GAS2: variants seen among roughly 807,000 people sequenced by gnomAD.
The protein encoded by GAS2 is growth arrest specific 2, also known as growth arrest-specific protein 2.
GAS2 carries 20 observed loss-of-function variants against 37.5 expected under a neutral mutation model. That is an observed-to-expected ratio of 0.53 (90% CI 0.37 to 0.77). The LOEUF is 0.77. Ranked by LOEUF, GAS2 falls within the 30% of genes least tolerant of loss-of-function variation. GAS2 has a pLI of 0.00. For missense variants in GAS2, 336 were observed against 373.4 expected, an observed-to-expected ratio of 0.90 and a Z score of 0.82; for synonymous variants, 144 against 132.2, an observed-to-expected ratio of 1.09 and a Z score of -0.61.
intron 7 of GAS2, among the ~76,000 whole-genome samples, chr11:22,773,152 G>A (rs1431865362): frequency 6.6e-6 from 1 of 152,030 alleles, no homozygotes; most frequent in Non-Finnish European, 1.5e-5. Context: ...TCCTCCTAGA[G>A]GCTGCAGTCT....
intron 1 of GAS2, among the ~76,000 whole-genome samples, chr11:22,660,937 G>A (rs1018521778): frequency 6.6e-6 from 1 of 152,158 alleles, no homozygotes; most frequent in Non-Finnish European, 1.5e-5. Flanking sequence ...ATCATTTTAA[G>A]TGTCATATCT....
At chr11:22,701,221 A>G (rs1189146622) in intron 3 of GAS2, among the ~76,000 whole-genome samples, 5 of 152,196 alleles carry the variant, frequency 3.3e-5, no homozygotes, top group African/African-American at 1.2e-4. Flanking sequence ...ATGATCATGG[A>G]GTATAGCAAG....
intron 4 of GAS2, chr11:22,731,530 C>A (rs1294788039): frequency 1.2e-5 from 2 of 163,786 alleles, no homozygotes; most frequent in Non-Finnish European, 2.7e-5. Flanking sequence ...ATGAGGAATT[C>A]TACAAATTTT....
chr11:22,749,689 T>C (rs184862725), intron 6 of GAS2, among the ~76,000 whole-genome samples: 1 of 152,106 alleles, frequency 6.6e-6, no homozygotes, highest in Non-Finnish European at 1.5e-5. Context: ...AGTGCTCTCA[T>C]ATATGAAAGG....
intron 7 of GAS2, among the ~76,000 whole-genome samples, chr11:22,794,863 C>T (rs751960417): frequency 6.6e-6 from 1 of 152,142 alleles, no homozygotes; most frequent in Non-Finnish European, 1.5e-5. Context: ...CTCACAGTGT[C>T]ACCCTGAAAC....
Position 22,755,973 on chromosome 11 carries a change from T to C in GAS2, c.723+20T>C. 1 of 1,519,386 alleles carries C rather than the reference T, an allele frequency of 6.6e-7. No homozygotes were observed. Among genetic ancestry groups the C allele is most frequent in the Non-Finnish European group, 9.1e-7 (1 of 1,100,580 alleles). The allele number at this position is 1,519,386 out of a possible 1,614,324, so 94.1% of individuals were successfully genotyped here. On this transcript the variant is annotated intron_variant, in intron 7 of 7. Coordinates refer to ENST00000454584, the MANE Select transcript of GAS2 (RefSeq NM_001143830.3). The stretch of plus-strand genomic sequence containing the variant: ...ATTAGGGTAAAGTTTTACTTTTCAC[T>C]TATCTTGTTTTTATGGGAAGATTCA...
At chr11:22,658,656 A>T (rs1031266662) in intron 1 of GAS2, among the ~76,000 whole-genome samples, 1 of 152,252 alleles carries the variant, frequency 6.6e-6, no homozygotes, top group Non-Finnish European at 1.5e-5. Context: ...TAAATAATGA[A>T]CACGAATGAT....
intron 6 of GAS2, among the ~76,000 whole-genome samples, chr11:22,755,017 C>G (rs374813722): frequency 1.3e-5 from 2 of 152,072 alleles, no homozygotes; most frequent in South Asian, 2.1e-4. Flanking sequence ...GAAGAGCAGA[C>G]AGAGTGGGTG....
intron 3 of GAS2, among the ~76,000 whole-genome samples, chr11:22,711,638 T>C (rs1332346724): frequency 6.6e-6 from 1 of 152,208 alleles, no homozygotes; most frequent in African/African-American, 2.4e-5. Flanking sequence ...ACAAGCTGCC[T>C]GGATATAAAC....
At chr11:22,635,850 C>T (rs899888022) in intron 1 of GAS2, among the ~76,000 whole-genome samples, 8 of 152,208 alleles carry the variant, frequency 5.3e-5, no homozygotes, top group African/African-American at 1.7e-4. Flanking sequence ...CTCTTTACCA[C>T]TCACTAAATC....
chr11:22,792,624 A>G (rs759737718), intron 7 of GAS2, among the ~76,000 whole-genome samples: 3 of 152,218 alleles, frequency 2.0e-5, no homozygotes, highest in Non-Finnish European at 2.9e-5. Flanking sequence ...TGTAGTGATA[A>G]GTTCCTAGGG....
At chr11:22,683,985 T>C (rs1431147018) in intron 2 of GAS2, among the ~76,000 whole-genome samples, 1 of 152,172 alleles carries the variant, frequency 6.6e-6, no homozygotes, top group Non-Finnish European at 1.5e-5. Context: ...GGAAAACAGA[T>C]CAATGTGTAC....
upstream of GAS2, among the ~76,000 whole-genome samples, chr11:22,664,364 CA>C (rs1342083154): frequency 6.6e-6 from 1 of 151,844 alleles, no homozygotes; most frequent in Non-Finnish European, 1.5e-5. Flanking sequence ...TTTTTAAACT[CA>C]AAAAAGTATT....
intron 3 of GAS2, among the ~76,000 whole-genome samples, chr11:22,712,546 A>G (rs1851458984): frequency 6.6e-6 from 1 of 152,194 alleles, no homozygotes; most frequent in South Asian, 2.1e-4. Flanking sequence ...AAACAATCTG[A>G]ACAGCAGCGC....
intron 1 of GAS2, chr11:22,626,378 TA>T (rs1387687962): frequency 1.3e-5 from 2 of 154,904 alleles, no homozygotes; most frequent in Admixed American, 6.3e-5. Context: ...AAACAAAAAA[TA>T]AACTTCAATA....
chr11:22,793,385 T>C (rs757966494), intron 7 of GAS2, among the ~76,000 whole-genome samples: 1 of 152,222 alleles, frequency 6.6e-6, no homozygotes, highest in Non-Finnish European at 1.5e-5. Flanking sequence ...TCTATGTTCA[T>C]TAACTGTTCA....
chr11:22,679,385 A>G (rs558381377), intron 2 of GAS2, among the ~76,000 whole-genome samples: 2 of 152,204 alleles, frequency 1.3e-5, no homozygotes, highest in South Asian at 2.1e-4. Flanking sequence ...TTGTTATTTA[A>G]CTATGCCCTT....
rs79446510 is a variant in GAS2 at position 22,803,671 on chromosome 11, A to G, written c.724-8127A>G. Among the ~76,000 whole-genome samples the G allele has an allele frequency of 5.3e-3, 811 of 152,278 alleles. 13 individuals carry two copies. The highest frequency in any genetic ancestry group is 0.039 in the East Asian group (202 of 5,176). On this transcript the variant is annotated intron_variant, in intron 7 of 7. Transcript: ENST00000454584. The stretch of plus-strand genomic sequence containing the variant: ...AATGACATTATAGATTAGATAAAGT[A>G]GGTACAACCTGTGGAAGTATCAAAT...
intron 1 of GAS2, among the ~76,000 whole-genome samples, chr11:22,628,552 AT>A (rs1160722929): frequency 6.6e-6 from 1 of 151,956 alleles, no homozygotes; most frequent in Non-Finnish European, 1.5e-5. Flanking sequence ...ATTTATTTTG[AT>A]TTTTTTCTGT....
Sources: allele counts gnomAD v4.1 joint callset (sites outside exome capture counted in the v4.1 genomes callset), GRCh38; gene constraint gnomAD v4.1.1; transcripts MANE v1.5; gene names NCBI Gene and HGNC (gene_info 2026-07-23, HGNC 2026-07-21).